CHST9: variants seen among roughly 807,000 people sequenced by gnomAD.
The protein encoded by CHST9 is carbohydrate sulfotransferase 9.
CHST9 carries 41 observed loss-of-function variants against 44.4 expected under a neutral mutation model. The observed-to-expected ratio is 0.92, with a 90% CI of 0.72 to 1.20. The LOEUF (loss-of-function observed/expected upper bound fraction) is 1.20. Among genes scored for constraint, CHST9 ranks in the 50% most tolerant of loss-of-function variants. The pLI is 0.00. For synonymous variants in CHST9, 171 were observed against 178.4 expected, an observed-to-expected ratio of 0.96 and a Z score of 0.33; for missense variants, 504 against 516.5, an observed-to-expected ratio of 0.98 and a Z score of 0.23.
At chr18:26,933,344 A>G (rs2055915654) in intron 5 of CHST9, among the ~76,000 whole-genome samples, 1 of 152,330 alleles carries the variant, frequency 6.6e-6, no homozygotes, top group East Asian at 1.9e-4. Context: ...TCTTATCTGT[A>G]AGAGATAATG....
At chr18:27,140,546 T>C (rs2058556164) in intron 2 of CHST9, among the ~76,000 whole-genome samples, 2 of 152,226 alleles carry the variant, frequency 1.3e-5, no homozygotes, top group Admixed American at 1.3e-4. Flanking sequence ...AAAATCTTGC[T>C]GTGATAGTCT....
intron 4 of CHST9, among the ~76,000 whole-genome samples, chr18:27,019,060 T>C (rs1424624762): frequency 6.6e-6 from 1 of 152,224 alleles, no homozygotes; most frequent in Admixed American, 6.5e-5. Context: ...AGTCTTGACC[T>C]ATGTTTGGGA....
intron 1 of CHST9, among the ~76,000 whole-genome samples, chr18:27,163,280 A>C (rs528977287): frequency 2.5e-4 from 38 of 152,310 alleles, no homozygotes; most frequent in African/African-American, 8.9e-4. Context: ...TTGAGGAGGC[A>C]GTCTGTCCGT....
intron 2 of CHST9, among the ~76,000 whole-genome samples, chr18:27,061,654 GAGGAGTGTTCAA>G (rs200325980): frequency 0.014 from 2,146 of 152,206 alleles, 34 homozygotes; most frequent in South Asian, 0.033. Context: ...TCCAAGGCCC[GAGGAGTGTTCAA>G]AGGATTCCTG....
chr18:27,142,374 G>A (rs1166945193), intron 2 of CHST9, among the ~76,000 whole-genome samples: 1 of 152,124 alleles, frequency 6.6e-6, no homozygotes, highest in Non-Finnish European at 1.5e-5. Context: ...GATGCTCCAT[G>A]GACAGATAAG....
Position 26,984,816 on chromosome 18 carries a change from T to A in CHST9, c.202+39300A>T, listed in dbSNP as rs892751957. On this transcript the variant is annotated intron_variant, in intron 4 of 5. Transcript: ENST00000618847. ...AAAAAGTCTATATTGTACACACTCA[T>A]CAGTATAGCTAAGATGAAAAAGTGA... Among the ~76,000 whole-genome samples, 33 of 151,220 alleles carry A rather than the reference T, an allele frequency of 2.2e-4. No homozygotes were observed. The East Asian group carries it at 5.8e-3, about 27-fold the overall frequency.
At chr18:27,101,415 C>T (rs2058170198) in intron 2 of CHST9, among the ~76,000 whole-genome samples, 1 of 151,562 alleles carries the variant, frequency 6.6e-6, no homozygotes, top group African/African-American at 2.4e-5. Flanking sequence ...CACGGTGAAA[C>T]CCCCTCTCTA....
intron 2 of CHST9, among the ~76,000 whole-genome samples, chr18:27,072,819 G>A (rs537720890): frequency 2.0e-5 from 3 of 152,150 alleles, no homozygotes; most frequent in Non-Finnish European, 4.4e-5. Flanking sequence ...AAGACTTATT[G>A]GTCCAGTAGG....
chr18:27,084,005 G>A (rs555030002), intron 2 of CHST9, among the ~76,000 whole-genome samples: 1 of 152,072 alleles, frequency 6.6e-6, no homozygotes, highest in Admixed American at 6.5e-5. Flanking sequence ...TGATTGTGGT[G>A]GATTAGCTTT....
At chr18:27,028,180 CT>C (rs1568139277) in intron 3 of CHST9, among the ~76,000 whole-genome samples, 1 of 152,172 alleles carries the variant, frequency 6.6e-6, no homozygotes, top group Non-Finnish European at 1.5e-5. Context: ...TCCCAAAGTG[CT>C]GGGATTACAG....
chr18:27,062,473 C>G (rs2057735425), intron 2 of CHST9, among the ~76,000 whole-genome samples: 1 of 152,108 alleles, frequency 6.6e-6, no homozygotes, highest in Non-Finnish European at 1.5e-5. Context: ...CATCCATGTC[C>G]CCACAAAGGA....
chr18:27,115,935 C>T (rs182793814), intron 2 of CHST9, among the ~76,000 whole-genome samples: 12 of 152,276 alleles, frequency 7.9e-5, no homozygotes, highest in Admixed American at 6.5e-4. Flanking sequence ...GACATTCATA[C>T]GTCTTCTTTG....
chr18:27,185,296 G>T lies in CHST9; in HGVS notation c.-257C>A, dbSNP rs1265197492. The T allele has an allele frequency of 6.6e-6, 1 of 151,512 alleles. No individual in the cohort carries two copies. Among genetic ancestry groups the T allele is most frequent in the Non-Finnish European group, 1.5e-5 (1 of 67,818 alleles). The allele number at this position is 151,512 out of a possible 1,614,324, so 9.4% of individuals were successfully genotyped here. A position where few individuals can be genotyped will look rare whatever the true frequency, so the allele number is the denominator to read the frequency against. On this transcript the variant is annotated 5_prime_UTR_variant, in exon 1 of 6. Coordinates refer to ENST00000618847, the MANE Select transcript of CHST9 (RefSeq NM_031422.6). ...CCGGGAGCGGGGACAGCTCGGAGTC[G>T]GGCGCTCACCCTGGCCCTGACCCTC... is the stretch of plus-strand genomic sequence containing the variant.
intron 2 of CHST9, among the ~76,000 whole-genome samples, chr18:27,097,378 C>T (rs1423674145): frequency 2.0e-5 from 3 of 151,888 alleles, no homozygotes; most frequent in African/African-American, 7.2e-5. Context: ...CAACATAGTA[C>T]TGGAAGCACT....
At chr18:27,127,717 A>G (rs1351732111) in intron 2 of CHST9, among the ~76,000 whole-genome samples, 2 of 152,354 alleles carry the variant, frequency 1.3e-5, no homozygotes, top group East Asian at 3.9e-4. Context: ...GAAAGAGACG[A>G]TGATACAGAA....
intron 1 of CHST9, among the ~76,000 whole-genome samples, chr18:27,146,966 G>A (rs566996812): frequency 2.6e-5 from 4 of 152,192 alleles, no homozygotes; most frequent in East Asian, 1.9e-4. Flanking sequence ...GGCTACAAAC[G>A]GAAGTATTTT....
chr18:27,004,551 C>G (rs1052328125), intron 4 of CHST9, among the ~76,000 whole-genome samples: 3 of 152,034 alleles, frequency 2.0e-5, no homozygotes, highest in Admixed American at 2.0e-4. Context: ...TTTTTTCCCT[C>G]TCTTGGAAAG....
At chr18:27,109,248 G>T (rs757398179) in intron 2 of CHST9, among the ~76,000 whole-genome samples, 1 of 152,064 alleles carries the variant, frequency 6.6e-6, no homozygotes, top group Non-Finnish European at 1.5e-5. Flanking sequence ...GGGAGCTGGC[G>T]CATAAGTTAA....
In CHST9 at chr18:26,913,726, G is replaced by A. The variant is rs2055473049; in HGVS notation, c.*2533C>T. ...GGAATTAAATTCATGAAATTGTGAT[G>A]GTCCTAAAGAACAGTGGTGTTCCCA... On this transcript the variant is annotated 3_prime_UTR_variant, in exon 6 of 6. Coordinates refer to ENST00000618847, the MANE Select transcript of CHST9 (RefSeq NM_031422.6). The A allele has an allele frequency of 6.6e-6, 1 of 152,154 alleles. No individual in the cohort carries two copies. Among genetic ancestry groups the A allele is most frequent in the Non-Finnish European group, 1.5e-5 (1 of 68,028 alleles). 9.4% of individuals were successfully genotyped at this position (152,154 alleles called of 1,614,324 possible). A position where few individuals can be genotyped will look rare whatever the true frequency, so the allele number is the denominator to read the frequency against.
Sources: allele counts gnomAD v4.1 joint callset (sites outside exome capture counted in the v4.1 genomes callset), GRCh38; gene constraint gnomAD v4.1.1; transcripts MANE v1.5; gene names NCBI Gene and HGNC (gene_info 2026-07-23, HGNC 2026-07-21).